The following DYNC1I2 variants were observed in gnomAD, a reference collection of about 807,000 sequenced individuals.
DYNC1I2 encodes dynein cytoplasmic 1 intermediate chain 2, also known as cytoplasmic dynein 1 intermediate chain 2.
Under a neutral mutation model 88.6 loss-of-function variants are expected in DYNC1I2, and 53 were observed. The observed-to-expected ratio is 0.60, with a 90% confidence interval of 0.48 to 0.75. The LOEUF (loss-of-function observed/expected upper bound fraction) is 0.75, where lower values mean the gene tolerates loss of function less well. Among genes scored for constraint, DYNC1I2 ranks in the 30% least tolerant of loss-of-function variants. The pLI is 0.00. For missense variants in DYNC1I2, 458 were observed against 766.6 expected, an observed-to-expected ratio of 0.60 and a Z score of 4.75; for synonymous variants, 198 against 254.6, an observed-to-expected ratio of 0.78 and a Z score of 2.12.
At chr2:171,744,849 A>G (rs956646974) in intron 16 of DYNC1I2, among the ~76,000 whole-genome samples, 1 of 152,160 alleles carries the variant, frequency 6.6e-6, no homozygotes, top group African/African-American at 2.4e-5. Flanking sequence ...CTATATTGCT[A>G]TTAGTAATAT....
In DYNC1I2 at chr2:171,749,660, G is replaced by A. The variant is rs1037544004; in HGVS notation, c.*1771G>A. Among the ~76,000 whole-genome samples the A allele has an allele frequency of 6.6e-6, 1 of 152,158 alleles. No individual in the cohort carries two copies. Among genetic ancestry groups the A allele is most frequent in the Non-Finnish European group, 1.5e-5 (1 of 67,988 alleles). On this transcript the variant is annotated 3_prime_UTR_variant, in exon 18 of 18. Coordinates refer to ENST00000397119, the MANE Select transcript of DYNC1I2 (RefSeq NM_001378.3). ...ATCACATGTTCCTCAGCCTCAAGGT[G>A]TGTTTAGTTGTGAAAGAAAGAATAA...
chr2:171,708,700 T>C (rs1207570847), intron 5 of DYNC1I2, among the ~76,000 whole-genome samples: 3 of 152,210 alleles, frequency 2.0e-5, no homozygotes, highest in Admixed American at 2.0e-4. Context: ...ATTCCTTTAT[T>C]TTTTATTTTT....
In DYNC1I2 at chr2:171,747,774, A is replaced by C. The variant is rs985189934; in HGVS notation, c.1804-2A>C. The C allele has an allele frequency of 1.2e-5, 19 of 1,597,970 alleles. No individual in the cohort carries two copies. The highest frequency in any genetic ancestry group is 1.6e-5 in the Non-Finnish European group (19 of 1,168,236). On this transcript the variant is annotated splice_acceptor_variant, in intron 17 of 17. Coordinates refer to ENST00000397119, the MANE Select transcript of DYNC1I2 (RefSeq NM_001378.3). LOFTEE classifies it high-confidence loss of function. ...TATAAAACATTGTCTTTCTTTTAAC[A>C]GCAGATTGCTGTTCCCCGCAATGAT...
In DYNC1I2 at chr2:171,719,265, GA is replaced by G. The variant is rs1406316975; in HGVS notation, c.511+3828del. 3.3e-5 allele frequency among the ~76,000 whole-genome samples: 5 copies of G among 152,180 alleles called. No individual in the cohort carries two copies. The South Asian group carries it at 6.2e-4, about 19-fold the overall frequency. The stretch of plus-strand genomic sequence containing the variant: ...GATATTTGGGCAGTATCCTTTGGGG[GA>G]AAAAATGAGATAATTTGTTTTCTAT... On this transcript the variant is annotated intron_variant, in intron 7 of 17. Coordinates refer to ENST00000397119, the MANE Select transcript of DYNC1I2 (RefSeq NM_001378.3).
chr2:171,705,338 G>A (rs1210083726), intron 3 of DYNC1I2, among the ~76,000 whole-genome samples: 2 of 152,090 alleles, frequency 1.3e-5, no homozygotes, highest in South Asian at 4.2e-4. Flanking sequence ...ATCAGAAAGG[G>A]GGAAAAGCAT....
chr2:171,734,263 A>G (rs1296369129), intron 15 of DYNC1I2, among the ~76,000 whole-genome samples: 15 of 152,158 alleles, frequency 9.9e-5, no homozygotes, highest in Admixed American at 9.2e-4. Context: ...ATATACGTTA[A>G]TAATAGGATT....
intron 3 of DYNC1I2, among the ~76,000 whole-genome samples, chr2:171,696,217 A>G (rs989723602): frequency 1.3e-5 from 2 of 152,200 alleles, no homozygotes; most frequent in African/African-American, 4.8e-5. Context: ...CTTCATTTTG[A>G]TATGATCAAA....
chr2:171,747,650 A>G, intron 17 of DYNC1I2, 126 bp from the exon 18 acceptor site: 2 of 604,354 alleles, frequency 3.3e-6, no homozygotes, highest in Non-Finnish European at 5.8e-6. Flanking sequence ...CCCCGTAATT[A>G]TGGAAAGGCC....
At chr2:171,706,997 A>G in intron 4 of DYNC1I2, 1 of 507,144 alleles carries the variant, frequency 2.0e-6, no homozygotes, top group Non-Finnish European at 3.5e-6. Flanking sequence ...ACATTTGGTG[A>G]TGGATGAGAT....
intron 15 of DYNC1I2, among the ~76,000 whole-genome samples, chr2:171,740,258 T>G (rs1689330084): frequency 6.6e-6 from 1 of 152,344 alleles, no homozygotes; most frequent in Middle Eastern, 3.4e-3. Context: ...GACCTTACGT[T>G]AACGTCTCTT....
chr2:171,741,193 G>A (rs568553363), intron 15 of DYNC1I2, among the ~76,000 whole-genome samples: 1 of 152,060 alleles, frequency 6.6e-6, no homozygotes, highest in East Asian at 1.9e-4. Flanking sequence ...ACCACTTTTT[G>A]TTTATACATT....
At chr2:171,695,107 G>GT (rs1398654634) in intron 3 of DYNC1I2, among the ~76,000 whole-genome samples, 2,326 of 147,424 alleles carry the variant, frequency 0.016, 50 homozygotes, top group African/African-American at 0.05. Flanking sequence ...TTGGTTTTTG[G>GT]TTTTTTTTTT....
chr2:171,720,187 A>G lies in DYNC1I2; in HGVS notation c.511+4744A>G, dbSNP rs547096330. On this transcript the variant is annotated intron_variant, in intron 7 of 17. Transcript: ENST00000397119. ...TCCACCGTCTGAGAGAATATCGGGCATACATCCAGAAACTGGCACTTGATT... is the reference window on the plus strand; with the variant it reads ...TCCACCGTCTGAGAGAATATCGGGCGTACATCCAGAAACTGGCACTTGATT... 9.5e-4 allele frequency among the ~76,000 whole-genome samples: 144 copies of G among 152,348 alleles called. 1 individual carries two copies. The highest frequency in any genetic ancestry group is 3.4e-3 in the African/African-American group (142 of 41,584).
At chr2:171,741,063 A>G (rs944454177) in intron 15 of DYNC1I2, among the ~76,000 whole-genome samples, 6 of 152,108 alleles carry the variant, frequency 3.9e-5, no homozygotes, top group Admixed American at 1.3e-4. Context: ...GAATCTTGCA[A>G]TTGTGTACTG....
intron 15 of DYNC1I2, among the ~76,000 whole-genome samples, chr2:171,736,623 G>A (rs1445890661): frequency 6.6e-6 from 1 of 152,144 alleles, no homozygotes; most frequent in Non-Finnish European, 1.5e-5. Flanking sequence ...AAATCCATTG[G>A]TTGAGACTCC....
intron 7 of DYNC1I2, among the ~76,000 whole-genome samples, chr2:171,723,699 A>G (rs1050961218): frequency 3.3e-5 from 5 of 152,194 alleles, no homozygotes; most frequent in Admixed American, 2.0e-4. Context: ...CACAAAAGCT[A>G]TAATTGGCAT....
In DYNC1I2 at chr2:171,706,817, G is replaced by T. The variant is rs771561618; in HGVS notation, c.244+253G>T. 4 of 439,410 alleles carry T rather than the reference G, an allele frequency of 9.1e-6. No homozygotes were observed. In the East Asian group the frequency reaches 1.4e-4, roughly 16 times the overall value. 27.2% of individuals were successfully genotyped at this position (439,410 alleles called of 1,614,324 possible). A position where few individuals can be genotyped will look rare whatever the true frequency, so the allele number is the denominator to read the frequency against. On this transcript the variant is annotated intron_variant, in intron 4 of 17. Coordinates refer to ENST00000397119, the MANE Select transcript of DYNC1I2 (RefSeq NM_001378.3). ...TGAAAGAAAAAATTATTAGACAAAA[G>T]TTAATATTTTAAAATAAATCTTGAG... is the stretch of plus-strand genomic sequence containing the variant.
chr2:171,713,661 C>T (rs538715250), intron 6 of DYNC1I2, among the ~76,000 whole-genome samples: 1 of 152,222 alleles, frequency 6.6e-6, no homozygotes, highest in African/African-American at 2.4e-5. Context: ...TAAATGTTTG[C>T]TGCTGCCATT....
At chr2:171,744,610 G>C (rs1689662209) in intron 16 of DYNC1I2, among the ~76,000 whole-genome samples, 1 of 152,104 alleles carries the variant, frequency 6.6e-6, no homozygotes, top group African/African-American at 2.4e-5. Flanking sequence ...ATCTTAGCCT[G>C]ATTTGTTTGA....
Sources: allele counts gnomAD v4.1 joint callset (sites outside exome capture counted in the v4.1 genomes callset), GRCh38; gene constraint gnomAD v4.1.1; transcripts MANE v1.5; gene names NCBI Gene and HGNC (gene_info 2026-07-23, HGNC 2026-07-21).